The following NRXN3 variants were observed in gnomAD, a reference collection of about 807,000 sequenced individuals.
NRXN3 encodes the protein neurexin III.
In NRXN3, 32 loss-of-function variants were observed where a neutral mutation model predicts 137.6. The ratio of observed to expected loss-of-function variants is 0.23; its 90% CI spans 0.18 to 0.31. The LOEUF is 0.31. Among genes scored for constraint, NRXN3 ranks in the 10% least tolerant of loss-of-function variants. The pLI, the probability that NRXN3 is intolerant of heterozygous loss-of-function variation, is 1.00. For missense variants in NRXN3, 1,574 were observed against 2,062.5 expected, an observed-to-expected ratio of 0.76 and a Z score of 4.59; for synonymous variants, 798 against 784.5, an observed-to-expected ratio of 1.02 and a Z score of -0.29.
intron 4 of NRXN3, among the ~76,000 whole-genome samples, chr14:78,335,561 T>C (rs2081366055): frequency 6.6e-6 from 1 of 152,214 alleles, no homozygotes; most frequent in African/African-American, 2.4e-5. Context: ...CTAGTATCAT[T>C]AGTTCAAAAG....
intron 15 of NRXN3, among the ~76,000 whole-genome samples, chr14:79,108,666 A>G (rs780667110): frequency 4.6e-5 from 7 of 152,148 alleles, no homozygotes; most frequent in Non-Finnish European, 1.0e-4. Flanking sequence ...TTTGAATGCC[A>G]CCAAATGGAA....
intron 4 of NRXN3, among the ~76,000 whole-genome samples, chr14:78,457,049 C>G (rs1404405007): frequency 1.3e-5 from 2 of 148,538 alleles, no homozygotes; most frequent in African/African-American, 2.5e-5. Flanking sequence ...CTCTCCCCCG[C>G]CACCTCCTCT....
intron 19 of NRXN3, among the ~76,000 whole-genome samples, chr14:79,787,756 C>A (rs530561083): frequency 6.6e-6 from 1 of 151,980 alleles, no homozygotes; most frequent in East Asian, 1.9e-4. Flanking sequence ...GAATATTATT[C>A]CATTGTGTGT....
chr14:78,985,024 G>A (rs1180145535), intron 14 of NRXN3, among the ~76,000 whole-genome samples: 4 of 152,186 alleles, frequency 2.6e-5, no homozygotes, highest in African/African-American at 7.2e-5. Flanking sequence ...ATTCTACATG[G>A]CCTTTGCCCC....
chr14:79,260,154 T>C (rs1200992455), intron 15 of NRXN3, among the ~76,000 whole-genome samples: 4 of 152,300 alleles, frequency 2.6e-5, no homozygotes, highest in Admixed American at 1.3e-4. Flanking sequence ...ACCTTATTAC[T>C]TTAGTGAGAT....
chr14:78,913,012 A>G (rs551585156), intron 10 of NRXN3, among the ~76,000 whole-genome samples: 2 of 152,262 alleles, frequency 1.3e-5, no homozygotes, highest in South Asian at 4.1e-4. Flanking sequence ...CCTAAGCTAT[A>G]GCAGTGAAAA....
intron 4 of NRXN3, among the ~76,000 whole-genome samples, chr14:78,356,078 A>C (rs2084259639): frequency 6.6e-6 from 1 of 152,190 alleles, no homozygotes; most frequent in Admixed American, 6.5e-5. Flanking sequence ...AGAATTTTAC[A>C]ACTGTGATTG....
chr14:79,413,926 C>T (rs1160938793), intron 15 of NRXN3, among the ~76,000 whole-genome samples: 1 of 146,036 alleles, frequency 6.8e-6, no homozygotes, highest in Admixed American at 6.8e-5. Context: ...CTTTTTGTGC[C>T]ACAATGGCAG....
rs548646709 is a variant in NRXN3, at chr14:78,946,541, T to C, written c.2276-10701T>C. Among the ~76,000 whole-genome samples, 3 of 152,346 alleles carry C rather than the reference T, an allele frequency of 2.0e-5. No individual in the cohort carries two copies. The East Asian group carries it at 5.8e-4, about 29-fold the overall frequency. On this transcript the variant is annotated intron_variant, in intron 10 of 20. Transcript: ENST00000335750. ...AGAAACTTTCACAACACCTGTCTAG[T>C]AGGTCATCAACTTTTAAATTAAACC...
chr14:79,015,733 G>T (rs1004602335), intron 15 of NRXN3, among the ~76,000 whole-genome samples: 13 of 152,176 alleles, frequency 8.5e-5, no homozygotes, highest in African/African-American at 2.4e-4. Flanking sequence ...ACCCAAAGGG[G>T]TGTGGCATTG....
intron 15 of NRXN3, among the ~76,000 whole-genome samples, chr14:79,446,437 C>T (rs923100181): frequency 1.3e-5 from 2 of 152,114 alleles, no homozygotes; most frequent in African/African-American, 4.8e-5. Flanking sequence ...CCTAGAGACT[C>T]TGATTTCCTA....
intron 4 of NRXN3, among the ~76,000 whole-genome samples, chr14:78,305,436 A>G (rs1426438699): frequency 6.6e-6 from 1 of 152,016 alleles, no homozygotes; most frequent in Non-Finnish European, 1.5e-5. Context: ...TGATTTGTTT[A>G]TGTGTATTTT....
chr14:78,569,886 G>A (rs376166121), intron 4 of NRXN3, among the ~76,000 whole-genome samples: 1 of 152,176 alleles, frequency 6.6e-6, no homozygotes, highest in African/African-American at 2.4e-5. Context: ...CTGCGACTAC[G>A]GGCTTGCACC....
At chr14:79,837,108 T>C (rs896921956) in intron 20 of NRXN3, among the ~76,000 whole-genome samples, 5 of 152,156 alleles carry the variant, frequency 3.3e-5, no homozygotes, top group African/African-American at 1.2e-4. Flanking sequence ...AAAGTATGTA[T>C]GCAATTGACT....
chr14:79,422,990 G>C (rs562015199), intron 15 of NRXN3, among the ~76,000 whole-genome samples: 2 of 152,064 alleles, frequency 1.3e-5, no homozygotes, highest in Non-Finnish European at 1.5e-5. Flanking sequence ...GGGTCACCGC[G>C]CCCGGCCTAG....
intron 16 of NRXN3, among the ~76,000 whole-genome samples, chr14:79,538,770 G>A (rs1403511589): frequency 6.6e-6 from 1 of 152,180 alleles, no homozygotes; most frequent in African/African-American, 2.4e-5. Context: ...TATTTGGTCT[G>A]AGTGTCAGTC....
intron 10 of NRXN3, among the ~76,000 whole-genome samples, chr14:78,819,690 G>A (rs2098945037): frequency 6.6e-6 from 1 of 152,154 alleles, no homozygotes; most frequent in Admixed American, 6.5e-5. Context: ...GCAGAACAAA[G>A]CCAGTTAGGC....
rs767865767 is a variant in NRXN3 at position 79,719,475 on chromosome 14, T to C, written c.4014+21538T>C. 1.7e-4 allele frequency among the ~76,000 whole-genome samples: 25 copies of C among 151,342 alleles called. 1 individual carries two copies. Among genetic ancestry groups the C allele is most frequent in the Non-Finnish European group, 2.9e-4 (20 of 67,904 alleles). On this transcript the variant is annotated intron_variant, in intron 19 of 20. Transcript: ENST00000335750. ...CAAAAAAGGCAATTATCTATGAACC[T>C]GATTTCTGTCCCTTCTATTAGCACT...
chr14:78,686,154 A>G (rs1188678241), intron 6 of NRXN3, among the ~76,000 whole-genome samples: 1 of 152,238 alleles, frequency 6.6e-6, no homozygotes, highest in African/African-American at 2.4e-5. Flanking sequence ...ACTTTGGAAC[A>G]GTTCCTGGCA....
Sources: allele counts gnomAD v4.1 joint callset (sites outside exome capture counted in the v4.1 genomes callset), GRCh38; gene constraint gnomAD v4.1.1; transcripts MANE v1.5; gene names NCBI Gene and HGNC (gene_info 2026-07-23, HGNC 2026-07-21).